The following OR8D1 variants were observed in gnomAD, a reference collection of about 807,000 sequenced individuals.
The protein encoded by OR8D1 is olfactory receptor 8D1.
For missense variants in OR8D1, 384 were observed against 366.8 expected (o/e 1.05, Z -0.38); for synonymous variants, 143 against 147.0 (o/e 0.97, Z 0.20).
In OR8D1 at chr11:124,306,529, C is replaced by T. The variant is rs961835950; in HGVS notation, c.*3311G>A. 1 of 151,574 alleles carries T rather than the reference C, an allele frequency of 6.6e-6. No homozygotes were observed. The allele number at this position is 151,574 out of a possible 1,614,324, so 9.4% of individuals were successfully genotyped here. A position where few individuals can be genotyped will look rare whatever the true frequency, so the allele number is the denominator to read the frequency against. ...TTTGGTCAGCTAAAATTCTTTTTCT[C>T]TTCTCCATTGTCCTTATTTTCCCTT... On this transcript the variant is annotated 3_prime_UTR_variant, in exon 3 of 3. Transcript: ENST00000641015.
Position 124,303,804 on chromosome 11 carries a change from A to G in OR8D1, c.*6036T>C, listed in dbSNP as rs1203175889. The G allele has an allele frequency of 2.6e-5, 4 of 152,012 alleles. No homozygotes were observed. The highest frequency in any genetic ancestry group is 5.9e-5 in the Non-Finnish European group (4 of 67,938). The allele number at this position is 152,012 out of a possible 1,614,324, so 9.4% of individuals were successfully genotyped here. On this transcript the variant is annotated 3_prime_UTR_variant, in exon 3 of 3. Transcript: ENST00000641015. ...GAACAGGTATTAAGTATATAATTCAATGAGTTTTGATAAATACATTCATTC... is the reference window on the plus strand; with the variant it reads ...GAACAGGTATTAAGTATATAATTCAGTGAGTTTTGATAAATACATTCATTC...
rs2137792760 is a variant in OR8D1 at position 124,310,673 on chromosome 11, G to C, written c.94C>G (p.Leu32Val). The C allele has an allele frequency of 1.2e-6, 2 of 1,613,970 alleles. No individual in the cohort carries two copies. The highest frequency in any genetic ancestry group is 2.7e-5 in the African/African-American group (2 of 75,046). Residue 32 changes from leucine to valine, a missense_variant, in exon 3 of 3, where the codon CTG (leucine) becomes GTG (valine). Transcript: ENST00000641015. Reference protein sequence around the residue: ...ELQLPLFLLFLGIYVVTVVGN... With the variant: ...ELQLPLFLLFVGIYVVTVVGN... ...ACTACTGTGACCACATAGATTCCCA[G>C]GAACAGGAGGAAGAGGGGCAGCTGG...
chr11:124,313,140 C>T (rs117756156), intron 1 of OR8D1, among the ~76,000 whole-genome samples: 5,385 of 150,046 alleles, frequency 0.036, 145 homozygotes, highest in South Asian at 0.13. Flanking sequence ...TGACACTGCA[C>T]TCCAGCGCGG....
rs1862395260 is a variant in OR8D1, at chr11:124,309,313, G to A, written c.*527C>T. On this transcript the variant is annotated 3_prime_UTR_variant, in exon 3 of 3. Coordinates refer to ENST00000641015, the MANE Select transcript of OR8D1 (RefSeq NM_001002917.2). The stretch of plus-strand genomic sequence containing the variant: ...AAAAGCGATTCGAATAAGACCTGCT[G>A]ACTAGAATTGCCATTCTTGTTCTTA... 6.6e-6 allele frequency: 1 copy of A among 151,904 alleles called. No individual in the cohort carries two copies. Among genetic ancestry groups the A allele is most frequent in the Non-Finnish European group, 1.5e-5 (1 of 67,978 alleles). The allele number at this position is 151,904 out of a possible 1,614,324, so 9.4% of individuals were successfully genotyped here.
In OR8D1 at chr11:124,309,366, CT is replaced by C. The variant is rs1246621600; in HGVS notation, c.*473del. The C allele has an allele frequency of 6.6e-6, 1 of 151,668 alleles. No individual in the cohort carries two copies. Among genetic ancestry groups the C allele is most frequent in the Non-Finnish European group, 1.5e-5 (1 of 67,922 alleles). 9.4% of individuals were successfully genotyped at this position (151,668 alleles called of 1,614,324 possible). A position where few individuals can be genotyped will look rare whatever the true frequency, so the allele number is the denominator to read the frequency against. On this transcript the variant is annotated 3_prime_UTR_variant, in exon 3 of 3. Coordinates refer to ENST00000641015, the MANE Select transcript of OR8D1 (RefSeq NM_001002917.2). ...TTTTTCTTTTCTTTTCTATTCTTTC[CT>C]TTTCTTTTCTTTTTTCTTTTCTTTT...
chr11:124,307,194 A>C lies in OR8D1; in HGVS notation c.*2646T>G, dbSNP rs549563867. 3 of 151,270 alleles carry C rather than the reference A, an allele frequency of 2.0e-5. No homozygotes were observed. The highest frequency in any genetic ancestry group is 4.2e-4 in the South Asian group (2 of 4,810). The allele number at this position is 151,270 out of a possible 1,614,324, so 9.4% of individuals were successfully genotyped here. ...TAACAGCAAAAGTAGATTTAAGTACAAAAGTGTACTTACAAGTTTGGGACT... is the reference window on the plus strand; with the variant it reads ...TAACAGCAAAAGTAGATTTAAGTACCAAAGTGTACTTACAAGTTTGGGACT... On this transcript the variant is annotated 3_prime_UTR_variant, in exon 3 of 3. Coordinates refer to ENST00000641015, the MANE Select transcript of OR8D1 (RefSeq NM_001002917.2).
rs1224796268 is a variant in OR8D1, at chr11:124,310,706, C to T, written c.61G>A (p.Ala21Thr). The change falls in exon 3 of 3, where the codon GCA becomes ACA. Residue 21 changes from alanine (A) to threonine (T), a missense_variant. Transcript: ENST00000641015. Reference sequence around the variant, plus strand: ...AGGAAGAGGGGCAGCTGGAGCTCTGCTTGCTGTGTTAAACCATCTAAGACA... The same window carrying T: ...AGGAAGAGGGGCAGCTGGAGCTCTGTTTGCTGTGTTAAACCATCTAAGACA... ...QFVLDGLTQQ[A>T]ELQLPLFLLF... 3 of 1,613,686 alleles carry T rather than the reference C, an allele frequency of 1.9e-6. No individual in the cohort carries two copies. The highest frequency in any genetic ancestry group is 2.7e-5 in the African/African-American group (2 of 74,912).
Position 124,310,760 on chromosome 11 carries a change from T to C in OR8D1, c.7A>G (p.Met3Val). ...TGAGCTGCCATAGAATAATTTTCCA[T>C]GGTCATTCTTCTTTAGGCATTTCTG... Reference protein sequence around the residue: MTMENYSMAAQFV... With the variant: MTVENYSMAAQFV... The change falls in exon 3 of 3, where the codon ATG becomes GTG. Residue 3 changes from methionine (M) to valine (V), a missense_variant. By Grantham distance (21) the Met-to-Val change is conservative. Transcript: ENST00000641015. 6 of 1,608,564 alleles carry C rather than the reference T, an allele frequency of 3.7e-6. No homozygotes were observed. The highest frequency in any genetic ancestry group is 5.1e-6 in the Non-Finnish European group (6 of 1,176,774).
rs1393550084 is a variant in OR8D1 at position 124,306,871 on chromosome 11, A to G, written c.*2969T>C. 1 of 151,862 alleles carries G rather than the reference A, an allele frequency of 6.6e-6. No individual in the cohort carries two copies. Among genetic ancestry groups the G allele is most frequent in the Non-Finnish European group, 1.5e-5 (1 of 67,940 alleles). 9.4% of individuals were successfully genotyped at this position (151,862 alleles called of 1,614,324 possible). On this transcript the variant is annotated 3_prime_UTR_variant, in exon 3 of 3. Coordinates refer to ENST00000641015, the MANE Select transcript of OR8D1 (RefSeq NM_001002917.2). ...CCGCCTCTGTTTCACACCTTTACTC[A>G]CTTTCCCCAGGAAGGTGGGATGACT...
At chr11:124,312,139 A>G (rs1444958282) in intron 1 of OR8D1, among the ~76,000 whole-genome samples, 1 of 152,242 alleles carries the variant, frequency 6.6e-6, no homozygotes, top group Non-Finnish European at 1.5e-5. Flanking sequence ...TCAACATTTC[A>G]TGTGGCACAT....
rs1375798436 is a variant in OR8D1 at position 124,302,848 on chromosome 11, C to G, written c.*6992G>C. The G allele has an allele frequency of 6.6e-6, 1 of 152,044 alleles. No individual in the cohort carries two copies. Among genetic ancestry groups the G allele is most frequent in the Non-Finnish European group, 1.5e-5 (1 of 67,994 alleles). The allele number at this position is 152,044 out of a possible 1,614,324, so 9.4% of individuals were successfully genotyped here. A position where few individuals can be genotyped will look rare whatever the true frequency, so the allele number is the denominator to read the frequency against. On this transcript the variant is annotated 3_prime_UTR_variant, in exon 3 of 3. Transcript: ENST00000641015. ...ATTCACATATTTAACTTATCTTACTCTCATAACGGTTTTATAAGAAAGGAA... is the reference window on the plus strand; with the variant it reads ...ATTCACATATTTAACTTATCTTACTGTCATAACGGTTTTATAAGAAAGGAA...
At position 124,306,109 on chromosome 11, in the gene OR8D1, A is replaced by T. The variant is rs1321688022; in HGVS notation, c.*3731T>A. The stretch of plus-strand genomic sequence containing the variant: ...TATATTTATAGCTCTGCCTTTGACA[A>T]TGTCACTTTTATTTCTTAAGTATGC... On this transcript the variant is annotated 3_prime_UTR_variant, in exon 3 of 3. Coordinates refer to ENST00000641015, the MANE Select transcript of OR8D1 (RefSeq NM_001002917.2). 1 of 151,748 alleles carries T rather than the reference A, an allele frequency of 6.6e-6. No individual in the cohort carries two copies. The highest frequency in any genetic ancestry group is 1.5e-5 in the Non-Finnish European group (1 of 67,828). 9.4% of individuals were successfully genotyped at this position (151,748 alleles called of 1,614,324 possible). A position where few individuals can be genotyped will look rare whatever the true frequency, so the allele number is the denominator to read the frequency against.
chr11:124,310,023 C>T lies in OR8D1; in HGVS notation c.744G>A (p.Val248=). 6.2e-7 allele frequency: 1 copy of T among 1,605,720 alleles called. No homozygotes were observed. The highest frequency in any genetic ancestry group is 8.5e-7 in the Non-Finnish European group (1 of 1,175,704). ...FGTCSSHLMA[V]VIFFGSITFM... is the part of the protein sequence containing the mutation. ...AGGTAATGGACCCAAAGAAGATCAC[C>T]ACAGCCATGAGATGAGAGCTGCATG... is the stretch of plus-strand genomic sequence containing the variant. Residue 248 remains valine (V), a synonymous_variant, in exon 3 of 3, where the codon GTG becomes GTA. Coordinates refer to ENST00000641015, the MANE Select transcript of OR8D1 (RefSeq NM_001002917.2).
rs1862383236 is a variant in OR8D1, at chr11:124,308,165, A to G, written c.*1675T>C. On this transcript the variant is annotated 3_prime_UTR_variant, in exon 3 of 3. Transcript: ENST00000641015. ...TCAGTTTTATAACCCTAACAAGAGCAGAAGAAAAATGAGACTAAAAGTAAA... is the reference window on the plus strand; with the variant it reads ...TCAGTTTTATAACCCTAACAAGAGCGGAAGAAAAATGAGACTAAAAGTAAA... 1 of 152,148 alleles carries G rather than the reference A, an allele frequency of 6.6e-6. No homozygotes were observed. Among genetic ancestry groups the G allele is most frequent in the South Asian group, 2.1e-4 (1 of 4,822 alleles). The allele number at this position is 152,148 out of a possible 1,614,324, so 9.4% of individuals were successfully genotyped here. A position where few individuals can be genotyped will look rare whatever the true frequency, so the allele number is the denominator to read the frequency against.
chr11:124,311,971 C>G (rs1258982722), intron 1 of OR8D1, among the ~76,000 whole-genome samples: 1 of 152,134 alleles, frequency 6.6e-6, no homozygotes, highest in Non-Finnish European at 1.5e-5. Flanking sequence ...GTTTGGGTAT[C>G]AAAGTAGGTG....
intron 2 of OR8D1, among the ~76,000 whole-genome samples, chr11:124,311,130 A>G (rs1862418274): frequency 6.6e-6 from 1 of 152,114 alleles, no homozygotes; most frequent in African/African-American, 2.4e-5. Flanking sequence ...TCACTTTTTC[A>G]ATTTCCCCAG....
Position 124,310,763 on chromosome 11 carries a change from T to A in OR8D1, c.4A>T (p.Thr2Ser), listed in dbSNP as rs752648101. The part of the protein sequence containing the change: M[T>S]MENYSMAAQF... Reference sequence around the variant, plus strand: ...GCTGCCATAGAATAATTTTCCATGGTCATTCTTCTTTAGGCATTTCTGTGA... The same window carrying A: ...GCTGCCATAGAATAATTTTCCATGGACATTCTTCTTTAGGCATTTCTGTGA... Residue 2 changes from threonine to serine, a missense_variant, in exon 3 of 3, where the codon ACC (threonine) becomes TCC (serine). Thr to Ser is a moderately conservative substitution (Grantham distance 58). Transcript: ENST00000641015. The A allele has an allele frequency of 1.9e-6, 3 of 1,606,656 alleles. No individual in the cohort carries two copies. The African/African-American group carries it at 4.0e-5, about 21-fold the overall frequency.
rs998553929 is a variant in OR8D1 at position 124,307,403 on chromosome 11, C to A, written c.*2437G>T. On this transcript the variant is annotated 3_prime_UTR_variant, in exon 3 of 3. Transcript: ENST00000641015. ...GGTGCATATACAGAAGAGTTGTTTACAAATAAGTGAATAACTTTAGAAGAG... is the reference window on the plus strand; with the variant it reads ...GGTGCATATACAGAAGAGTTGTTTAAAAATAAGTGAATAACTTTAGAAGAG... 6 of 152,094 alleles carry A rather than the reference C, an allele frequency of 3.9e-5. No individual in the cohort carries two copies. The highest frequency in any genetic ancestry group is 8.8e-5 in the Non-Finnish European group (6 of 68,032). 9.4% of individuals were successfully genotyped at this position (152,094 alleles called of 1,614,324 possible). A position where few individuals can be genotyped will look rare whatever the true frequency, so the allele number is the denominator to read the frequency against.
In OR8D1 at chr11:124,308,311, G is replaced by T. The variant is rs1370851997; in HGVS notation, c.*1529C>A. On this transcript the variant is annotated 3_prime_UTR_variant, in exon 3 of 3. Coordinates refer to ENST00000641015, the MANE Select transcript of OR8D1 (RefSeq NM_001002917.2). ...GAAAAGTGTTAATTGCACTATTAAAGCTGCTGAAAAAGAGTAAGTACTATG... is the reference window on the plus strand; with the variant it reads ...GAAAAGTGTTAATTGCACTATTAAATCTGCTGAAAAAGAGTAAGTACTATG... The T allele has an allele frequency of 6.6e-6, 1 of 152,118 alleles. No homozygotes were observed. The highest frequency in any genetic ancestry group is 2.4e-5 in the African/African-American group (1 of 41,442). The allele number at this position is 152,118 out of a possible 1,614,324, so 9.4% of individuals were successfully genotyped here.
Sources: allele counts gnomAD v4.1 joint callset (sites outside exome capture counted in the v4.1 genomes callset), GRCh38; gene constraint gnomAD v4.1.1; transcripts MANE v1.5; gene names NCBI Gene and HGNC (gene_info 2026-07-23, HGNC 2026-07-21).